The following SSR3 variants were observed in gnomAD, a reference collection of about 807,000 sequenced individuals.
SSR3 encodes translocon-associated protein subunit gamma.
In SSR3, 10 loss-of-function variants were observed where a neutral mutation model predicts 22.1. The ratio of observed to expected loss-of-function variants is 0.45; its 90% CI spans 0.28 to 0.77. SSR3 has a LOEUF of 0.77. Ranked by LOEUF, SSR3 falls within the 30% of genes least tolerant of loss-of-function variation. SSR3 has a pLI of 0.13. For missense variants in SSR3, 181 were observed against 220.5 expected, an observed-to-expected ratio of 0.82 and a Z score of 1.13; for synonymous variants, 104 against 82.5, an observed-to-expected ratio of 1.26 and a Z score of -1.42.
At position 156,543,183 on chromosome 3, in the gene SSR3, G is replaced by A; in HGVS notation, c.*20C>T. The A allele has an allele frequency of 6.2e-7, 1 of 1,611,652 alleles. No homozygotes were observed. The highest frequency in any genetic ancestry group is 8.5e-7 in the Non-Finnish European group (1 of 1,178,598). On this transcript the variant is annotated 3_prime_UTR_variant, in exon 5 of 5. Transcript: ENST00000265044. ...CAGGCCACCCATAGACACAAAGCCA[G>A]GGGGTGAAGCTGACATGGTCTATTT...
intron 1 of SSR3, 44 bp from the exon 2 acceptor site, chr3:156,553,825 C>A: frequency 1.9e-6 from 3 of 1,558,204 alleles, no homozygotes; most frequent in Non-Finnish European, 2.6e-6. Flanking sequence ...AGAAGCAAAA[C>A]ATTACAACCC....
chr3:156,545,222 G>A (rs944892074), intron 3 of SSR3, among the ~76,000 whole-genome samples: 2 of 152,128 alleles, frequency 1.3e-5, no homozygotes, highest in Non-Finnish European at 2.9e-5. Flanking sequence ...CAATCAAGTG[G>A]ATCGAATGCC....
intron 3 of SSR3, among the ~76,000 whole-genome samples, chr3:156,545,018 T>C (rs1719711213): frequency 6.6e-6 from 1 of 152,262 alleles, no homozygotes; most frequent in Admixed American, 6.5e-5. Flanking sequence ...CTTTTTATTC[T>C]ATTTTACTTG....
intron 2 of SSR3, among the ~76,000 whole-genome samples, chr3:156,552,558 G>A (rs764641394): frequency 3.9e-5 from 6 of 152,144 alleles, no homozygotes; most frequent in Non-Finnish European, 8.8e-5. Context: ...ACTAGAGTGA[G>A]AACTATGGAT....
chr3:156,554,749 A>T (rs981505303), intron 1 of SSR3: 3 of 616,786 alleles, frequency 4.9e-6, no homozygotes, highest in Non-Finnish European at 8.2e-6. Context: ...TTAACAAGTG[A>T]CCTCCCCGAG....
intron 3 of SSR3, among the ~76,000 whole-genome samples, chr3:156,546,827 TC>T (rs1559944123): frequency 2.0e-5 from 3 of 152,236 alleles, no homozygotes; most frequent in African/African-American, 7.2e-5. Context: ...TGTTAATGAA[TC>T]TCACATTCTC....
chr3:156,555,079 T>G lies in SSR3; in HGVS notation c.11A>C (p.Lys4Thr), dbSNP rs771110951. 1.2e-6 allele frequency: 2 copies of G among 1,613,614 alleles called. No homozygotes were observed. The highest frequency in any genetic ancestry group is 3.3e-5 in the Admixed American group (2 of 60,016). MAP[K>T]GSSKQQSEED... ...CTCAGACTGCTGTTTGGAGCTGCCT[T>G]TAGGAGCCATGGCGGAGCTGCAGGC... Residue 4 changes from lysine (K) to threonine (T), a missense_variant, in exon 1 of 5, where the codon AAA becomes ACA. Lys to Thr is a moderately conservative substitution (Grantham distance 78, BLOSUM62 -1). Transcript: ENST00000265044.
intron 1 of SSR3, chr3:156,554,721 T>C: frequency 1.9e-6 from 1 of 539,944 alleles, no homozygotes; most frequent in Non-Finnish European, 3.2e-6. Flanking sequence ...GGGGTGGAGC[T>C]CGGGAACGTG....
chr3:156,553,830 C>T (rs376249629), intron 1 of SSR3, 49 bp from the exon 2 acceptor site: 2 of 1,549,514 alleles, frequency 1.3e-6, no homozygotes, highest in Non-Finnish European at 1.7e-6. Flanking sequence ...CAAAACATTA[C>T]AACCCCGCAA....
rs2108443746 is a variant in SSR3 at position 156,541,273 on chromosome 3, A to G, written c.*1930T>C. 1 of 152,352 alleles carries G rather than the reference A, an allele frequency of 6.6e-6. No homozygotes were observed. The highest frequency in any genetic ancestry group is 2.1e-4 in the South Asian group (1 of 4,828). The allele number at this position is 152,352 out of a possible 1,614,324, so 9.4% of individuals were successfully genotyped here. On this transcript the variant is annotated 3_prime_UTR_variant, in exon 5 of 5. Transcript: ENST00000265044. Reference sequence around the variant, plus strand: ...GTTTTCACCAGCAATTTTAAAAGATAGTGGCCCAACTCTGGTAACAAATAG... The same window carrying G: ...GTTTTCACCAGCAATTTTAAAAGATGGTGGCCCAACTCTGGTAACAAATAG...
chr3:156,550,733 C>T (rs1253127821), intron 2 of SSR3, among the ~76,000 whole-genome samples: 1 of 152,184 alleles, frequency 6.6e-6, no homozygotes, highest in African/African-American at 2.4e-5. Flanking sequence ...TCTTTGCAAA[C>T]ATGGTTTAAA....
chr3:156,545,466 A>C (rs1325002468), intron 3 of SSR3, among the ~76,000 whole-genome samples: 2 of 152,150 alleles, frequency 1.3e-5, no homozygotes, highest in Admixed American at 6.5e-5. Context: ...AAAAAGATAA[A>C]CCTACTCTGG....
intron 4 of SSR3, chr3:156,544,095 T>A: frequency 2.4e-6 from 1 of 421,786 alleles, no homozygotes; most frequent in East Asian, 3.5e-5. Context: ...TTTGTAATAC[T>A]TTATCATACA....
At chr3:156,554,441 C>G (rs1720076634) in intron 1 of SSR3, among the ~76,000 whole-genome samples, 1 of 152,188 alleles carries the variant, frequency 6.6e-6, no homozygotes, top group African/African-American at 2.4e-5. Flanking sequence ...AGATCCCTAA[C>G]CCCTGGCACT....
At chr3:156,546,675 G>A (rs546576121) in intron 3 of SSR3, among the ~76,000 whole-genome samples, 13 of 152,300 alleles carry the variant, frequency 8.5e-5, no homozygotes, top group African/African-American at 3.1e-4. Context: ...AGTAGGGAAC[G>A]TGGTTTGGGA....
chr3:156,543,422 G>C (rs1348749998), intron 4 of SSR3, among the ~76,000 whole-genome samples, 153 bp from the exon 5 acceptor site: 1 of 151,152 alleles, frequency 6.6e-6, no homozygotes, highest in Non-Finnish European at 1.5e-5. Flanking sequence ...AACACAATTT[G>C]CAAGACAGAA....
chr3:156,553,132 C>G (rs1188347677), intron 2 of SSR3, among the ~76,000 whole-genome samples: 1 of 151,982 alleles, frequency 6.6e-6, no homozygotes, highest in African/African-American at 2.4e-5. Flanking sequence ...TAGCCTGCAC[C>G]TGTAGGCCCA....
At chr3:156,554,503 T>C (rs3773717) in intron 1 of SSR3, among the ~76,000 whole-genome samples, 13,722 of 152,272 alleles carry the variant, frequency 0.09, 747 homozygotes, top group Non-Finnish European at 0.12. Context: ...TGGTGTGAAG[T>C]AGCTCACGTA....
chr3:156,555,117 C>T lies in SSR3; in HGVS notation c.-28G>A, dbSNP rs775865880. The T allele has an allele frequency of 4.4e-6, 7 of 1,607,112 alleles. No homozygotes were observed. Among genetic ancestry groups the T allele is most frequent in the Non-Finnish European group, 5.9e-6 (7 of 1,177,088 alleles). On this transcript the variant is annotated 5_prime_UTR_variant, in exon 1 of 5. Transcript: ENST00000265044. ...CGGAGCTGCAGGCGAGAACAGGGAA[C>T]GTAGAGCCGGCCGCCAAGGCGGGCA...
Sources: gnomAD v4.1 joint callset for allele counts (sites outside exome capture counted in the v4.1 genomes callset) on GRCh38, gnomAD v4.1.1 for gene constraint, MANE v1.5 for transcripts, NCBI Gene and HGNC (gene_info 2026-07-23, HGNC 2026-07-21) for gene names.